PRPF18: variants seen among roughly 807,000 people sequenced by gnomAD.
PRPF18 encodes pre-mRNA-splicing factor 18.
A neutral mutation model predicts 46.5 loss-of-function variants in PRPF18; 38 were observed. The observed-to-expected ratio is 0.82, with a 90% CI of 0.63 to 1.07. The LOEUF is 1.07. Among genes scored for constraint, PRPF18 ranks in the 50% least tolerant of loss-of-function variants. The pLI is 0.00. For missense variants in PRPF18, 263 were observed against 410.0 expected (o/e 0.64, Z 3.10); for synonymous variants, 152 against 146.7 (o/e 1.04, Z -0.26).
At chr10:13,603,130 A>G (rs1377144818) in intron 3 of PRPF18, among the ~76,000 whole-genome samples, 1 of 152,244 alleles carries the variant, frequency 6.6e-6, no homozygotes, top group Non-Finnish European at 1.5e-5. Flanking sequence ...TTAGTAAACC[A>G]TTGTTACTGA....
At chr10:13,606,125 G>A (rs1226219837) in intron 4 of PRPF18, among the ~76,000 whole-genome samples, 1 of 151,980 alleles carries the variant, frequency 6.6e-6, no homozygotes, top group African/African-American at 2.4e-5. Context: ...TCCTGCAGCT[G>A]TATCCCTGAA....
chr10:13,623,022 C>T (rs1415397067), intron 9 of PRPF18, among the ~76,000 whole-genome samples: 3 of 151,986 alleles, frequency 2.0e-5, no homozygotes, highest in Non-Finnish European at 4.4e-5. Flanking sequence ...CACAGTGAAA[C>T]CCCGTCTCTA....
chr10:13,641,123 T>G, the PRPF18 span: 1 of 152,262 alleles, frequency 6.6e-6, no homozygotes, highest in African/African-American at 2.4e-5. Context: ...TTATGTTATC[T>G]AATTTACTTT....
At chr10:13,648,214 C>G in the PRPF18 span, 3 of 152,162 alleles carry the variant, frequency 2.0e-5, no homozygotes, top group Non-Finnish European at 4.4e-5. Flanking sequence ...CAGAAATAAA[C>G]CAGCTTCAGA....
intron 1 of PRPF18, among the ~76,000 whole-genome samples, chr10:13,588,997 A>G (rs977291785): frequency 6.6e-6 from 1 of 152,232 alleles, no homozygotes; most frequent in African/African-American, 2.4e-5. Flanking sequence ...TTACTGAATT[A>G]TGCAGGTCTC....
downstream of PRPF18, among the ~76,000 whole-genome samples, chr10:13,633,967 C>T (rs369755616): frequency 2.6e-4 from 40 of 152,314 alleles, no homozygotes; most frequent in Middle Eastern, 3.4e-3. Flanking sequence ...ATTGGCTGAA[C>T]TATAACCACA....
intron 1 of PRPF18, chr10:13,592,219 CT>C: frequency 3.3e-6 from 2 of 608,550 alleles, no homozygotes; most frequent in Middle Eastern, 3.6e-4. Context: ...TCTTGGGCTT[CT>C]TAGCCTTGAG....
chr10:13,592,150 G>A (rs2079972694), intron 1 of PRPF18: 6 of 606,564 alleles, frequency 9.9e-6, no homozygotes, highest in South Asian at 2.9e-5. Flanking sequence ...ATAGCACATC[G>A]GGAATACCTG....
the PRPF18 span, chr10:13,647,630 A>T: frequency 7.9e-5 from 12 of 152,352 alleles, no homozygotes; most frequent in Non-Finnish European, 1.8e-4. Context: ...GTTTAAAAAA[A>T]ATCAATGATG....
intron 2 of PRPF18, chr10:13,597,766 C>A: frequency 4.8e-6 from 5 of 1,034,964 alleles, no homozygotes; most frequent in Non-Finnish European, 5.5e-6. Context: ...TTTTTGTGGA[C>A]GGCATGAAGT....
At chr10:13,631,043 A>G (rs975221477), downstream of PRPF18, 4 of 152,378 alleles carry the variant, frequency 2.6e-5, no homozygotes, top group East Asian at 3.9e-4. Context: ...ACCCCAGTGC[A>G]TCAAGGTTAA....
intron 2 of PRPF18, 101 bp from the exon 3 acceptor site, chr10:13,600,143 G>A (rs1291223526): frequency 3.4e-6 from 3 of 885,370 alleles, no homozygotes; most frequent in Non-Finnish European, 5.1e-6. Flanking sequence ...AAAATCTTCA[G>A]TGTTGAAAAC....
At chr10:13,599,943 G>C (rs2080082528) in intron 2 of PRPF18, among the ~76,000 whole-genome samples, 2 of 152,198 alleles carry the variant, frequency 1.3e-5, no homozygotes, top group Non-Finnish European at 2.9e-5. Context: ...TGGGGAGAAA[G>C]AGAGTGCAAA....
At chr10:13,640,461 A>T in the PRPF18 span, 10 of 152,124 alleles carry the variant, frequency 6.6e-5, no homozygotes, top group African/African-American at 2.4e-4. Context: ...CCTCAATACA[A>T]CATAGGGATC....
At chr10:13,587,939 G>T (rs2079900894) in intron 1 of PRPF18, among the ~76,000 whole-genome samples, 1 of 152,158 alleles carries the variant, frequency 6.6e-6, no homozygotes, top group Non-Finnish European at 1.5e-5. Context: ...TAGGGATGCA[G>T]GTGTGGGAAT....
intron 1 of PRPF18, among the ~76,000 whole-genome samples, chr10:13,593,912 T>A (rs755934151): frequency 1.3e-5 from 2 of 151,998 alleles, no homozygotes; most frequent in African/African-American, 4.8e-5. Flanking sequence ...GTGTAGACAA[T>A]AGGAAAGAAA....
Position 13,587,134 on chromosome 10 carries a change from G to A in PRPF18, c.48G>A (p.Glu16=), listed in dbSNP as rs755259491. The change falls in exon 1 of 10, where the codon GAG becomes GAA. Residue 16 remains glutamate, a synonymous_variant. Transcript: ENST00000378572. The stretch of plus-strand genomic sequence containing the variant: ...TCCTTCGGAAGCGGCAGCTGGTGGA[G>A]GACAGGAACCTGCTGGTGGTGAGGA... The part of the protein sequence containing the change: ...SEILRKRQLV[E]DRNLLVENKK... The A allele has an allele frequency of 3.1e-6, 5 of 1,613,938 alleles. No homozygotes were observed. In the South Asian group the frequency reaches 4.4e-5, roughly 14 times the overall value.
intron 9 of PRPF18, among the ~76,000 whole-genome samples, chr10:13,624,714 G>C (rs1421997929): frequency 2.0e-5 from 3 of 152,226 alleles, no homozygotes; most frequent in Non-Finnish European, 4.4e-5. Flanking sequence ...CCCTCAGTTA[G>C]TAAGTTGGAG....
At chr10:13,593,617 G>A (rs2079994396) in intron 1 of PRPF18, among the ~76,000 whole-genome samples, 1 of 152,216 alleles carries the variant, frequency 6.6e-6, no homozygotes, top group South Asian at 2.1e-4. Flanking sequence ...GGGGAAGGAT[G>A]AATATGCGAA....
Sources: allele counts gnomAD v4.1 joint callset (sites outside exome capture counted in the v4.1 genomes callset), GRCh38; gene constraint gnomAD v4.1.1; transcripts MANE v1.5; gene names NCBI Gene and HGNC (gene_info 2026-07-23, HGNC 2026-07-21).